The following RIT2 variants were observed in gnomAD, a reference collection of about 807,000 sequenced individuals.
The protein encoded by RIT2 is Ras like without CAAX 2.
In RIT2, 24 loss-of-function variants were observed where a neutral mutation model predicts 23.7. The ratio of observed to expected loss-of-function variants is 1.01; its 90% CI spans 0.73 to 1.43. The LOEUF (loss-of-function observed/expected upper bound fraction) is 1.43, where lower values mean the gene tolerates loss of function less well. Among genes scored for constraint, RIT2 ranks in the 40% most tolerant of loss-of-function variants. The pLI is 0.00. For synonymous variants in RIT2, 107 were observed against 91.1 expected (o/e 1.17, Z -0.99); for missense variants, 236 against 266.9 (o/e 0.88, Z 0.81).
chr18:43,105,129 T>TGG (rs1373636263), intron 1 of RIT2, among the ~76,000 whole-genome samples: 1 of 150,284 alleles, frequency 6.7e-6, no homozygotes, highest in South Asian at 2.1e-4. Flanking sequence ...TGTGTGTGTG[T>TGG]GTTTGTGTGT....
intron 4 of RIT2, among the ~76,000 whole-genome samples, chr18:42,874,513 G>A (rs932625164): frequency 6.6e-6 from 1 of 152,060 alleles, no homozygotes; most frequent in Non-Finnish European, 1.5e-5. Flanking sequence ...CTTTAGATTA[G>A]AAAATAAATT....
chr18:42,850,746 A>C (rs1907030524), intron 4 of RIT2, among the ~76,000 whole-genome samples: 1 of 152,170 alleles, frequency 6.6e-6, no homozygotes, highest in Non-Finnish European at 1.5e-5. Flanking sequence ...TTTTCTTAAC[A>C]ATGGGGTTTT....
At chr18:43,010,283 G>A (rs914173688) in intron 2 of RIT2, among the ~76,000 whole-genome samples, 4 of 151,736 alleles carry the variant, frequency 2.6e-5, no homozygotes, top group Admixed American at 6.6e-5. Flanking sequence ...TAATAGAAAG[G>A]AATTAATGTA....
At chr18:42,941,816 A>G (rs1272358109) in intron 3 of RIT2, among the ~76,000 whole-genome samples, 2 of 152,102 alleles carry the variant, frequency 1.3e-5, no homozygotes, top group African/African-American at 4.8e-5. Flanking sequence ...TGTATGTTTT[A>G]TTCCAGTTAA....
chr18:42,865,099 A>G (rs1907434455), intron 4 of RIT2, among the ~76,000 whole-genome samples: 1 of 152,308 alleles, frequency 6.6e-6, no homozygotes, highest in Admixed American at 6.5e-5. Flanking sequence ...TTACTGACTC[A>G]GCATATCACC....
chr18:43,032,291 C>T (rs1186588773), intron 2 of RIT2, among the ~76,000 whole-genome samples: 2 of 151,966 alleles, frequency 1.3e-5, no homozygotes, highest in Non-Finnish European at 2.9e-5. Flanking sequence ...ATGATTTATT[C>T]ACATCTACTG....
At chr18:42,990,600 T>C (rs935262131) in intron 2 of RIT2, among the ~76,000 whole-genome samples, 2 of 152,238 alleles carry the variant, frequency 1.3e-5, no homozygotes, top group Non-Finnish European at 2.9e-5. Context: ...TCTCAGCTGT[T>C]TGAAAGCATG....
chr18:43,111,653 A>G (rs955078613), intron 1 of RIT2, among the ~76,000 whole-genome samples: 1 of 152,170 alleles, frequency 6.6e-6, no homozygotes, highest in Non-Finnish European at 1.5e-5. Context: ...ATAAAATATT[A>G]TTACCTCTAG....
intron 3 of RIT2, among the ~76,000 whole-genome samples, chr18:42,963,787 T>C (rs1454663889): frequency 6.6e-6 from 1 of 151,884 alleles, no homozygotes; most frequent in Non-Finnish European, 1.5e-5. Context: ...TCCCAGCTAC[T>C]AGGGAAGCTG....
chr18:42,872,914 A>G (rs577173812), intron 4 of RIT2, among the ~76,000 whole-genome samples: 3 of 152,312 alleles, frequency 2.0e-5, no homozygotes, highest in East Asian at 1.9e-4. Context: ...ACACAATCCA[A>G]TGTTGTTTGT....
intron 3 of RIT2, among the ~76,000 whole-genome samples, chr18:42,971,202 T>C (rs1373341473): frequency 5.3e-5 from 8 of 152,020 alleles, no homozygotes. Flanking sequence ...ATTTCAATGG[T>C]GTTCTCTCCT....
At chr18:42,783,617 G>A (rs1913860467) in intron 4 of RIT2, among the ~76,000 whole-genome samples, 1 of 152,036 alleles carries the variant, frequency 6.6e-6, no homozygotes, top group Non-Finnish European at 1.5e-5. Flanking sequence ...CAGCCTAGGT[G>A]AGAGCTACAT....
intron 1 of RIT2, among the ~76,000 whole-genome samples, chr18:43,063,992 C>A (rs75337255): frequency 6.6e-6 from 1 of 152,046 alleles, no homozygotes; most frequent in African/African-American, 2.4e-5. Context: ...GAAAAATTTA[C>A]GTCCAGAGAA....
intron 1 of RIT2, among the ~76,000 whole-genome samples, chr18:43,096,406 A>C (rs189880295): frequency 6.6e-6 from 1 of 151,920 alleles, no homozygotes; most frequent in Non-Finnish European, 1.5e-5. Flanking sequence ...TCTACATTTC[A>C]AGAAGAGTAC....
intron 4 of RIT2, among the ~76,000 whole-genome samples, chr18:42,917,021 A>G (rs985110277): frequency 2.0e-5 from 3 of 152,126 alleles, no homozygotes; most frequent in African/African-American, 7.2e-5. Context: ...GCCTACACTT[A>G]ACTGGAAATG....
At chr18:42,995,499 T>A (rs1910959654) in intron 2 of RIT2, among the ~76,000 whole-genome samples, 1 of 152,226 alleles carries the variant, frequency 6.6e-6, no homozygotes, top group Non-Finnish European at 1.5e-5. Flanking sequence ...TTCCCACCTC[T>A]ATATAGTCCT....
chr18:42,795,256 G>C (rs879485771), intron 4 of RIT2, among the ~76,000 whole-genome samples: 99 of 152,322 alleles, frequency 6.5e-4, no homozygotes, highest in Non-Finnish European at 1.2e-3. Context: ...AGGGAGAGGC[G>C]CGAGCAGGAA....
At chr18:42,982,655 T>C (rs1910622661) in intron 2 of RIT2, among the ~76,000 whole-genome samples, 3 of 152,156 alleles carry the variant, frequency 2.0e-5, no homozygotes, top group Admixed American at 1.3e-4. Flanking sequence ...TTTTGGGATG[T>C]AGATTTAGGA....
chr18:42,759,711 CTACACACACA>C (rs1913252183), intron 4 of RIT2, among the ~76,000 whole-genome samples: 1 of 64,882 alleles, frequency 1.5e-5, no homozygotes, highest in African/African-American at 5.6e-5. Flanking sequence ...TGTGTTAAAT[CTACACACACA>C]CACACACACA....
Sources: gnomAD v4.1 joint callset for allele counts (sites outside exome capture counted in the v4.1 genomes callset) on GRCh38, gnomAD v4.1.1 for gene constraint, MANE v1.5 for transcripts, NCBI Gene and HGNC (gene_info 2026-07-23, HGNC 2026-07-21) for gene names.